Variants in KRIT1 observed in about 807,000 individuals in gnomAD.
KRIT1 encodes the protein KRIT1 ankyrin repeat containing.
Under a neutral mutation model 95.8 loss-of-function variants are expected in KRIT1, and 45 were observed. The observed-to-expected ratio is 0.47, with a 90% CI of 0.37 to 0.60. KRIT1 has a LOEUF of 0.60. Among genes scored for constraint, KRIT1 ranks in the 20% least tolerant of loss-of-function variants. The probability of loss-of-function intolerance (pLI) is 0.00; values close to 1 mark genes in which losing one functional copy is unlikely to be tolerated. For missense variants in KRIT1, 788 were observed against 877.5 expected, an observed-to-expected ratio of 0.90 and a Z score of 1.29; for synonymous variants, 282 against 278.8, an observed-to-expected ratio of 1.01 and a Z score of -0.11.
chr7:92,220,532 C>T (rs1794911127), intron 14 of KRIT1, among the ~76,000 whole-genome samples: 1 of 152,024 alleles, frequency 6.6e-6, no homozygotes, highest in South Asian at 2.1e-4. Flanking sequence ...ATTTGTTTAA[C>T]TGTGTTTGTT....
At chr7:92,242,800 C>G (rs769419541) in intron 3 of KRIT1, among the ~76,000 whole-genome samples, 2 of 152,126 alleles carry the variant, frequency 1.3e-5, no homozygotes, top group African/African-American at 4.8e-5. Flanking sequence ...TTATCAATTT[C>G]CTTGATAATC....
At chr7:92,208,514 A>G (rs749503803) in intron 17 of KRIT1, among the ~76,000 whole-genome samples, 5 of 152,152 alleles carry the variant, frequency 3.3e-5, no homozygotes, top group Non-Finnish European at 7.3e-5. Flanking sequence ...AAAATCATAA[A>G]TGATAAAAGA....
At chr7:92,214,571 T>C (rs1390301005) in intron 15 of KRIT1, 40 bp downstream of exon 15, 1 of 1,469,800 alleles carries the variant, frequency 6.8e-7, no homozygotes, top group Admixed American at 1.7e-5. Context: ...AACAGAATCT[T>C]AAGCATAGCA....
Position 92,235,446 on chromosome 7 carries a change from A to G in KRIT1, c.686T>C (p.Ile229Thr), listed in dbSNP as rs748900258. Reference protein sequence around the residue: ...MLALEKADTCIYNPLFGSDLQ... With the variant: ...MLALEKADTCTYNPLFGSDLQ... ...ATCTGATCCAAACAAAGGGTTGTAA[A>G]TACAGGTATCTGCTTTCTCTAGGGC... The change falls in exon 8 of 19, where the codon ATT becomes ACT. Residue 229 changes from isoleucine (I) to threonine (T), a missense_variant. Transcript: ENST00000394505. The G allele has an allele frequency of 6.2e-7, 1 of 1,613,798 alleles. No homozygotes were observed. The highest frequency in any genetic ancestry group is 8.5e-7 in the Non-Finnish European group (1 of 1,179,688).
In KRIT1 at chr7:92,241,235, C is replaced by T. The variant is rs1033697316; in HGVS notation, c.103-83G>A. ...ACTACAATAAGCTAGCAGTCTTTCT[C>T]AACTCTAGCTGCATATTAGAATAAT... On this transcript the variant is annotated intron_variant, in intron 4 of 18. Coordinates refer to ENST00000394505, the MANE Select transcript of KRIT1 (RefSeq NM_194454.3). 6.1e-6 allele frequency: 6 copies of T among 989,388 alleles called. No individual in the cohort carries two copies. The Admixed American group carries it at 8.0e-5, about 13-fold the overall frequency. 61.3% of individuals were successfully genotyped at this position (989,388 alleles called of 1,614,324 possible). A position where few individuals can be genotyped will look rare whatever the true frequency, so the allele number is the denominator to read the frequency against.
chr7:92,224,950 G>C (rs763773440), intron 12 of KRIT1, among the ~76,000 whole-genome samples: 1 of 152,092 alleles, frequency 6.6e-6, no homozygotes, highest in African/African-American at 2.4e-5. Flanking sequence ...ACGAGGTCAG[G>C]TGATCGAGAC....
chr7:92,213,105 T>C (rs191706449), intron 17 of KRIT1, 90 bp downstream of exon 17: 5 of 852,810 alleles, frequency 5.9e-6, no homozygotes, highest in African/African-American at 3.3e-5. Flanking sequence ...CAGTCTTGTA[T>C]ATATGCCATT....
chr7:92,211,063 C>T (rs1195423811), intron 17 of KRIT1, among the ~76,000 whole-genome samples: 1 of 152,094 alleles, frequency 6.6e-6, no homozygotes, highest in Non-Finnish European at 1.5e-5. Context: ...CAGAAGGGAA[C>T]TTTTATACAG....
At chr7:92,209,313 C>A (rs1025252757) in intron 17 of KRIT1, among the ~76,000 whole-genome samples, 2 of 152,244 alleles carry the variant, frequency 1.3e-5, no homozygotes, top group Admixed American at 1.3e-4. Flanking sequence ...CCACTTTCAA[C>A]CACTCTTAAT....
At chr7:92,221,035 C>A (rs1795034507) in intron 14 of KRIT1, among the ~76,000 whole-genome samples, 1 of 152,010 alleles carries the variant, frequency 6.6e-6, no homozygotes. Context: ...CTCTAAAATC[C>A]ACAGTAGTTC....
intron 7 of KRIT1, 160 bp downstream of exon 7, chr7:92,236,253 G>C: frequency 1.7e-6 from 1 of 575,474 alleles, no homozygotes; most frequent in Non-Finnish European, 3.0e-6. Context: ...CTTATCTTCG[G>C]GTTTTTCATT....
intron 7 of KRIT1, 143 bp downstream of exon 7, chr7:92,236,270 T>A (rs1031440460): frequency 3.2e-6 from 2 of 618,908 alleles, no homozygotes; most frequent in African/African-American, 3.7e-5. Flanking sequence ...CATTTTTATA[T>A]TAGAATTGAA....
chr7:92,233,447 A>C (rs1384934472), intron 10 of KRIT1, among the ~76,000 whole-genome samples: 2 of 147,964 alleles, frequency 1.4e-5, no homozygotes, highest in African/African-American at 5.0e-5. Context: ...TCACTCTGTC[A>C]CCAGGCTGGA....
At chr7:92,215,601 C>A (rs1264811293) in intron 14 of KRIT1, among the ~76,000 whole-genome samples, 1 of 151,002 alleles carries the variant, frequency 6.6e-6, no homozygotes, top group Non-Finnish European at 1.5e-5. Flanking sequence ...TCCCAAGTAG[C>A]TGGGAAAAGA....
chr7:92,213,413 C>G lies in KRIT1; in HGVS notation c.1819-12G>C, dbSNP rs199748245. ...CTTGTACTGAGATTCTAAAAACAAA[C>G]AAGGTAAATTAAAAATAAAAGAGAT... On this transcript the variant is annotated splice_polypyrimidine_tract_variant and intron_variant, in intron 16 of 18. Transcript: ENST00000394505. The G allele has an allele frequency of 1.6e-4, 251 of 1,559,306 alleles. 1 individual carries two copies. The African/African-American group carries it at 3.1e-3, about 19-fold the overall frequency.
At chr7:92,205,779 G>C (rs1287949180) in intron 17 of KRIT1, 1 of 152,114 alleles carries the variant, frequency 6.6e-6, no homozygotes, top group African/African-American at 2.4e-5. Context: ...ATTTTTATTA[G>C]CTTCCTATTA....
chr7:92,242,688 T>C (rs1231756836), intron 3 of KRIT1, among the ~76,000 whole-genome samples: 2 of 152,224 alleles, frequency 1.3e-5, no homozygotes, highest in Admixed American at 6.5e-5. Flanking sequence ...AGCTAAAGCG[T>C]AGTATGTAAT....
intron 5 of KRIT1, among the ~76,000 whole-genome samples, chr7:92,238,340 T>G (rs909537856): frequency 5.3e-5 from 8 of 152,210 alleles, no homozygotes; most frequent in Non-Finnish European, 2.9e-5. Context: ...TAGACCTTTG[T>G]TATGCTTTCA....
chr7:92,225,815 G>C lies in KRIT1; in HGVS notation c.1159C>G (p.Gln387Glu). 6.3e-7 allele frequency: 1 copy of C among 1,593,984 alleles called. No individual in the cohort carries two copies. Among genetic ancestry groups the C allele is most frequent in the Non-Finnish European group, 8.6e-7 (1 of 1,162,076 alleles). The part of the protein sequence containing the change: ...HPETDRHITD[Q>E]QGRSPLNICE... ...ATATTTAATGGAGATCTTCCTTGTTGGTCTGTTATATGCTAGAAATGTGGG... is the reference window on the plus strand; with the variant it reads ...ATATTTAATGGAGATCTTCCTTGTTCGTCTGTTATATGCTAGAAATGTGGG... Residue 387 changes from glutamine to glutamate, a missense_variant, in exon 12 of 19, where the codon CAA becomes GAA. Transcript: ENST00000394505.
Sources: gnomAD v4.1 joint callset for allele counts (sites outside exome capture counted in the v4.1 genomes callset) on GRCh38, gnomAD v4.1.1 for gene constraint, MANE v1.5 for transcripts, NCBI Gene and HGNC (gene_info 2026-07-23, HGNC 2026-07-21) for gene names.